The following EPB41L1 variants were observed in gnomAD, a reference collection of about 807,000 sequenced individuals.
EPB41L1 encodes erythrocyte membrane protein band 4.1 like 1.
In EPB41L1, 29 loss-of-function variants were observed where a neutral mutation model predicts 97.8. That is an observed-to-expected ratio of 0.30 (90% CI 0.22 to 0.40). EPB41L1 has a LOEUF of 0.40. Among genes scored for constraint, EPB41L1 ranks in the 10% least tolerant of loss-of-function variants. The pLI is 1.00. For synonymous variants in EPB41L1, 383 were observed against 459.2 expected (o/e 0.83, Z 2.12); for missense variants, 812 against 1,162.3 (o/e 0.70, Z 4.38).
rs765078028 is a variant in EPB41L1, at chr20:36,229,319, C to T, written c.2638-13C>T. ...CCCCACCCCCCATTCTACCCCATGC[C>T]TCTGGCTTCCAGGAATCCTGACCTC... On this transcript the variant is annotated splice_polypyrimidine_tract_variant and intron_variant, in intron 21 of 21. Transcript: ENST00000338074. 3 of 1,611,518 alleles carry T rather than the reference C, an allele frequency of 1.9e-6. No individual in the cohort carries two copies. Among genetic ancestry groups the T allele is most frequent in the Non-Finnish European group, 2.5e-6 (3 of 1,178,674 alleles).
At chr20:36,112,501 G>A (rs2058437521) in intron 2 of EPB41L1, 1 of 152,308 alleles carries the variant, frequency 6.6e-6, no homozygotes, top group African/African-American at 2.4e-5. Context: ...TGGAGGCACA[G>A]ACTTATTCTC....
At chr20:36,173,661 C>T (rs1720516948) in intron 1 of EPB41L1, 103 bp from the exon 2 acceptor site, 13 of 1,026,058 alleles carry the variant, frequency 1.3e-5, no homozygotes, top group Middle Eastern at 2.0e-4. Flanking sequence ...ACTCTTTGTC[C>T]GTTTGCCTCC....
chr20:36,092,975 T>TGTGTGTGGGGACTGTCGCGG lies in EPB41L1; in HGVS notation c.-65+1366_-65+1385dup, dbSNP rs2057704514. ...TCCAGGAGCCGCGGGCTTCGGTTCG[T>TGTGTGTGGGGACTGTCGCGG]GTGTGTGGGGACTGTCGCGGGTTTG... is the stretch of plus-strand genomic sequence containing the variant. On this transcript the variant is annotated intron_variant, in intron 1 of 19. Transcript: ENST00000202028. The surrounding 1 kb of genome is among the most constrained non-coding windows in gnomAD (Gnocchi z 7.0). The TGTGTGTGGGGACTGTCGCGG allele has an allele frequency of 6.6e-6, 1 of 151,704 alleles. No homozygotes were observed. Among genetic ancestry groups the TGTGTGTGGGGACTGTCGCGG allele is most frequent in the Non-Finnish European group, 1.5e-5 (1 of 67,962 alleles). The allele number at this position is 151,704 out of a possible 1,614,324, so 9.4% of individuals were successfully genotyped here.
rs574452256 is a variant in EPB41L1, at chr20:36,170,783, C to T, written c.-14-2981C>T. On this transcript the variant is annotated intron_variant, in intron 1 of 21. Coordinates refer to ENST00000338074, the MANE Select transcript of EPB41L1 (RefSeq NM_012156.2). ...AAATGACTGTCAGTCGTCTTTTTTG[C>T]TCACTGGGTCTCACCTGTAAAGGAA... Among the ~76,000 whole-genome samples the T allele has an allele frequency of 5.9e-5, 9 of 152,236 alleles. 1 individual carries two copies. The South Asian group carries it at 1.9e-3, about 32-fold the overall frequency.
chr20:36,125,426 G>A (rs1227441872), intron 2 of EPB41L1: 1 of 755,512 alleles, frequency 1.3e-6, no homozygotes, highest in Non-Finnish European at 2.3e-6. Flanking sequence ...TAAACAGGCT[G>A]CTGTTCGTAC....
At position 36,195,372 on chromosome 20, in the gene EPB41L1, A is replaced by G. The variant is rs770344670; in HGVS notation, c.1485+8A>G. 1 of 1,613,840 alleles carries G rather than the reference A, an allele frequency of 6.2e-7. No individual in the cohort carries two copies. Among genetic ancestry groups the G allele is most frequent in the East Asian group, 2.2e-5 (1 of 44,862 alleles). ...CCGAGACACAAGCAGGAGGTACTGC[A>G]TGGGACCTGTCCCTCCCTACCCAGC... On this transcript the variant is annotated splice_region_variant and intron_variant, in intron 13 of 21. Coordinates refer to ENST00000338074, the MANE Select transcript of EPB41L1 (RefSeq NM_012156.2). The surrounding 1 kb of genome is among the most constrained non-coding windows in gnomAD (Gnocchi z 4.6).
intron 2 of EPB41L1, chr20:36,125,574 A>G (rs756401345): frequency 1.2e-5 from 18 of 1,533,690 alleles, no homozygotes; most frequent in Non-Finnish European, 1.5e-5. Flanking sequence ...AGAAAGGTAG[A>G]TTGAACCACA....
chr20:36,140,019 C>G (rs563859635), intron 2 of EPB41L1, among the ~76,000 whole-genome samples: 2 of 151,284 alleles, frequency 1.3e-5, no homozygotes, highest in Non-Finnish European at 2.9e-5. Context: ...CATGAGCCAC[C>G]GTGCCCGGCC....
intron 2 of EPB41L1, among the ~76,000 whole-genome samples, chr20:36,119,635 CGGAGGGGAGA>C (rs1461593859): frequency 1.9e-4 from 11 of 58,754 alleles, no homozygotes; most frequent in African/African-American, 2.7e-4. Flanking sequence ...GGAAGGGAAG[CGGAGGGGAGA>C]GGAGGGGAGG....
chr20:36,129,299 T>C (rs748936998), intron 2 of EPB41L1, among the ~76,000 whole-genome samples: 4 of 152,120 alleles, frequency 2.6e-5, no homozygotes, highest in Non-Finnish European at 4.4e-5. Context: ...TCTTCTGTTT[T>C]GCTTGGGCTG....
intron 2 of EPB41L1, among the ~76,000 whole-genome samples, chr20:36,116,549 A>T (rs997485100): frequency 2.0e-5 from 3 of 152,136 alleles, no homozygotes; most frequent in African/African-American, 7.2e-5. Flanking sequence ...TCAGTGCTTC[A>T]TTCCCTTCTT....
chr20:36,223,469 A>G (rs1157591471), intron 21 of EPB41L1, among the ~76,000 whole-genome samples: 2 of 152,228 alleles, frequency 1.3e-5, no homozygotes, highest in African/African-American at 4.8e-5. Flanking sequence ...AGGGCTTTTA[A>G]GCAACCTAAA....
At chr20:36,218,734 A>G in intron 17 of EPB41L1, 142 bp from the exon 18 acceptor site, 1 of 769,996 alleles carries the variant, frequency 1.3e-6, no homozygotes, top group East Asian at 2.7e-5. Context: ...AATGAGGCGG[A>G]ACTGAACGAT....
At chr20:36,102,384 C>G (rs1205189704) in intron 1 of EPB41L1, among the ~76,000 whole-genome samples, 1 of 152,120 alleles carries the variant, frequency 6.6e-6, no homozygotes, top group Non-Finnish European at 1.5e-5. Flanking sequence ...GCAGTTGGAG[C>G]CTAACGTCTA....
intron 1 of EPB41L1, among the ~76,000 whole-genome samples, chr20:36,157,097 G>C (rs776977041): frequency 1.3e-5 from 2 of 152,240 alleles, no homozygotes; most frequent in African/African-American, 4.8e-5. Flanking sequence ...GGTAGTGCAC[G>C]CCTATAGCCC....
At chr20:36,197,666 G>T (rs1329308398) in intron 13 of EPB41L1, 193 bp from the exon 14 acceptor site, 8 of 985,266 alleles carry the variant, frequency 8.1e-6, no homozygotes, top group Non-Finnish European at 4.8e-6. Context: ...TGTGCCTTGG[G>T]ATGTGCACCT....
intron 2 of EPB41L1, among the ~76,000 whole-genome samples, chr20:36,127,889 T>A (rs1360887670): frequency 6.6e-6 from 1 of 152,018 alleles, no homozygotes; most frequent in Non-Finnish European, 1.5e-5. Context: ...TGGTTTTCTG[T>A]AGGAAAAATT....
chr20:36,194,473 A>C, intron 12 of EPB41L1, 113 bp downstream of exon 12: 12 of 1,349,486 alleles, frequency 8.9e-6, no homozygotes, highest in Non-Finnish European at 1.2e-5. Flanking sequence ...CACCCTTACT[A>C]TGGAGTGCAC....
intron 19 of EPB41L1, 31 bp downstream of exon 19, chr20:36,219,875 A>C (rs754386053): frequency 6.3e-7 from 1 of 1,589,940 alleles, no homozygotes; most frequent in East Asian, 2.2e-5. Context: ...CCATGCCCCC[A>C]GCCGAGCTGC....
Sources: gnomAD v4.1 joint callset for allele counts (sites outside exome capture counted in the v4.1 genomes callset) on GRCh38, gnomAD v4.1.1 for gene constraint, Gnocchi (gnomAD v3.1) non-coding constraint, MANE v1.5 for transcripts, NCBI Gene and HGNC (gene_info 2026-07-23, HGNC 2026-07-21) for gene names.